Variants in PDE11A observed in about 807,000 individuals in gnomAD.
The protein encoded by PDE11A is phosphodiesterase 11A.
Under a neutral mutation model 100.5 loss-of-function variants are expected in PDE11A, and 100 were observed. The ratio of observed to expected loss-of-function variants is 1.00; its 90% CI spans 0.85 to 1.18. The LOEUF (loss-of-function observed/expected upper bound fraction) is 1.18, where lower values mean the gene tolerates loss of function less well. Ranked by LOEUF, PDE11A falls within the 50% of genes most tolerant of loss-of-function variation. PDE11A has a pLI of 0.00. For synonymous variants in PDE11A, 381 were observed against 420.8 expected (o/e 0.91, Z 1.16); for missense variants, 1,141 against 1,152.6 (o/e 0.99, Z 0.15).
intron 2 of PDE11A, among the ~76,000 whole-genome samples, chr2:177,913,302 C>A (rs568705541): frequency 6.6e-6 from 1 of 152,156 alleles, no homozygotes; most frequent in South Asian, 2.1e-4. Context: ...TAGAGTAAAG[C>A]GTTGATATTG....
At chr2:177,668,948 A>G (rs907302612) in intron 18 of PDE11A, among the ~76,000 whole-genome samples, 4 of 152,170 alleles carry the variant, frequency 2.6e-5, no homozygotes, top group South Asian at 2.1e-4. Context: ...CATCATCTTG[A>G]GCGTAAAGTA....
chr2:177,948,544 A>G (rs1354533065), intron 2 of PDE11A, among the ~76,000 whole-genome samples: 1 of 152,198 alleles, frequency 6.6e-6, no homozygotes, highest in African/African-American at 2.4e-5. Flanking sequence ...TTTCTTATAT[A>G]TGTTAATCAA....
chr2:177,991,641 T>C lies in PDE11A; in HGVS notation c.1071+22661A>G, dbSNP rs188714165. Among the ~76,000 whole-genome samples the C allele has an allele frequency of 1.6e-3, 236 of 150,868 alleles. 5 individuals are homozygous for C. Among genetic ancestry groups the C allele is most frequent in the African/African-American group, 5.2e-3 (214 of 41,080 alleles). On this transcript the variant is annotated intron_variant, in intron 2 of 19. Coordinates refer to ENST00000286063, the MANE Select transcript of PDE11A (RefSeq NM_016953.4). ...CAGAGTGAGACTCCATTTCAAAAAA[T>C]GATAATAATAATAATAATATACCTT...
chr2:178,003,240 C>T lies in PDE11A; in HGVS notation c.1071+11062G>A, dbSNP rs574296381. Among the ~76,000 whole-genome samples the T allele has an allele frequency of 1.4e-4, 22 of 152,194 alleles. No individual in the cohort carries two copies. In the South Asian group the frequency reaches 3.9e-3, roughly 27 times the overall value. On this transcript the variant is annotated intron_variant, in intron 2 of 19. Transcript: ENST00000286063. ...TGAAAAAACTATGTTCACACAAAAACTTGTAAATAAATGTTCATAGAAGCA... is the reference window on the plus strand; with the variant it reads ...TGAAAAAACTATGTTCACACAAAAATTTGTAAATAAATGTTCATAGAAGCA...
intron 1 of PDE11A, among the ~76,000 whole-genome samples, chr2:178,020,412 A>G (rs2086392833): frequency 6.6e-6 from 1 of 152,238 alleles, no homozygotes. Flanking sequence ...GGGATGCTTT[A>G]GCATGACAAG....
At chr2:177,985,808 A>T (rs2085932548) in intron 2 of PDE11A, among the ~76,000 whole-genome samples, 1 of 152,226 alleles carries the variant, frequency 6.6e-6, no homozygotes, top group Non-Finnish European at 1.5e-5. Flanking sequence ...AGAGTTTTAT[A>T]AATTGCTATG....
intron 19 of PDE11A, among the ~76,000 whole-genome samples, chr2:177,643,033 A>G (rs767375085): frequency 3.3e-5 from 5 of 152,164 alleles, no homozygotes; most frequent in Non-Finnish European, 7.4e-5. Flanking sequence ...GCCGCATGGA[A>G]CTGTAAGTCC....
intron 10 of PDE11A, among the ~76,000 whole-genome samples, chr2:177,750,820 T>C (rs1368542677): frequency 6.6e-6 from 1 of 152,212 alleles, no homozygotes; most frequent in African/African-American, 2.4e-5. Context: ...ATGTGGTACA[T>C]CTATTAATAT....
intron 4 of PDE11A, among the ~76,000 whole-genome samples, chr2:177,885,328 A>G (rs1352845313): frequency 6.6e-6 from 1 of 152,096 alleles, no homozygotes; most frequent in Non-Finnish European, 1.5e-5. Context: ...TACAGCATTC[A>G]GGGCAATGTG....
chr2:178,013,069 C>G (rs1463335147), intron 2 of PDE11A, among the ~76,000 whole-genome samples: 7 of 152,156 alleles, frequency 4.6e-5, no homozygotes, highest in African/African-American at 1.7e-4. Context: ...CTGATGGAGG[C>G]CTATTTTTGC....
intron 19 of PDE11A, among the ~76,000 whole-genome samples, chr2:177,637,211 A>C (rs2080053114): frequency 6.6e-6 from 1 of 152,214 alleles, no homozygotes; most frequent in African/African-American, 2.4e-5. Context: ...ATTGAGGTTC[A>C]CTTAGGTTAA....
chr2:177,902,973 C>T (rs778085641), intron 3 of PDE11A, among the ~76,000 whole-genome samples: 1 of 152,210 alleles, frequency 6.6e-6, no homozygotes. Context: ...CCAGAGTGAA[C>T]TCTATTAAAA....
rs1251782905 is a variant in PDE11A, at chr2:177,675,472, A to G, written c.2470T>C (p.Trp824Arg). ...CCACTTGCCTGTCTGGAGATCTCCC[A>G]CGGTTTGGTCACGGCTCCAAGGTCA... ...ACDLGAVTKP[W>R]EISRQVAELV... The change falls in exon 17 of 20, where the codon TGG (tryptophan) becomes CGG (arginine). Residue 824 changes from tryptophan (W) to arginine (R), a missense_variant. Trp to Arg is a moderately radical substitution (Grantham distance 101, BLOSUM62 -3). Coordinates refer to ENST00000286063, the MANE Select transcript of PDE11A (RefSeq NM_016953.4). The G allele has an allele frequency of 6.2e-7, 1 of 1,613,368 alleles. No individual in the cohort carries two copies. The highest frequency in any genetic ancestry group is 2.2e-5 in the East Asian group (1 of 44,850).
chr2:178,005,463 C>G (rs912138413), intron 2 of PDE11A, among the ~76,000 whole-genome samples: 1 of 152,072 alleles, frequency 6.6e-6, no homozygotes, highest in African/African-American at 2.4e-5. Flanking sequence ...GCGTGGGCAC[C>G]ATAGTGAGCC....
chr2:177,791,983 A>G (rs2082639660), intron 9 of PDE11A, among the ~76,000 whole-genome samples: 1 of 152,174 alleles, frequency 6.6e-6, no homozygotes, highest in Admixed American at 6.5e-5. Flanking sequence ...GTATTCTCCT[A>G]TAAAGGATCT....
intron 5 of PDE11A, among the ~76,000 whole-genome samples, chr2:177,845,519 C>G (rs1372189081): frequency 1.3e-5 from 2 of 150,954 alleles, no homozygotes; most frequent in South Asian, 2.1e-4. Flanking sequence ...GGATGGCGGC[C>G]GGGCGGAGAC....
At chr2:177,826,264 C>A (rs1324839015) in intron 6 of PDE11A, among the ~76,000 whole-genome samples, 1 of 152,114 alleles carries the variant, frequency 6.6e-6, no homozygotes, top group Non-Finnish European at 1.5e-5. Context: ...TTGGAGCCAT[C>A]AACATGTACT....
chr2:177,640,610 C>T (rs947656279), intron 19 of PDE11A, among the ~76,000 whole-genome samples: 16 of 152,242 alleles, frequency 1.1e-4, no homozygotes, highest in African/African-American at 3.6e-4. Context: ...GCTAATCCCT[C>T]TTAGGTCCAA....
intron 2 of PDE11A, among the ~76,000 whole-genome samples, chr2:177,940,783 G>A (rs568008161): frequency 4.6e-5 from 7 of 152,156 alleles, no homozygotes; most frequent in Non-Finnish European, 7.3e-5. Flanking sequence ...CCCTGCACTT[G>A]AATATATACC....
Sources: allele counts gnomAD v4.1 joint callset (sites outside exome capture counted in the v4.1 genomes callset), GRCh38; gene constraint gnomAD v4.1.1; transcripts MANE v1.5; gene names NCBI Gene and HGNC (gene_info 2026-07-23, HGNC 2026-07-21).